CHRM5: variants seen among roughly 807,000 people sequenced by gnomAD.
CHRM5 encodes the protein cholinergic receptor muscarinic 5, also known as muscarinic acetylcholine receptor M5.
A neutral mutation model predicts 39.0 loss-of-function variants in CHRM5; 18 were observed. That is an observed-to-expected ratio of 0.46 (90% confidence interval 0.32 to 0.68). The LOEUF (loss-of-function observed/expected upper bound fraction) is 0.68. CHRM5 is among the 30% of genes least tolerant of loss of function. The pLI, the probability that CHRM5 is intolerant of heterozygous loss-of-function variation, is 0.04. For missense variants in CHRM5, 515 were observed against 651.1 expected, an observed-to-expected ratio of 0.79 and a Z score of 2.28; for synonymous variants, 241 against 246.3, an observed-to-expected ratio of 0.98 and a Z score of 0.20.
intron 1 of CHRM5, among the ~76,000 whole-genome samples, chr15:33,974,792 T>C (rs545564726): frequency 1.2e-4 from 18 of 152,210 alleles, no homozygotes; most frequent in Admixed American, 9.8e-4. Context: ...GGCCAACATG[T>C]TGAAACCCCG....
chr15:34,052,958 C>G (rs2140829741), intron 2 of CHRM5, among the ~76,000 whole-genome samples: 1 of 152,182 alleles, frequency 6.6e-6, no homozygotes, highest in African/African-American at 2.4e-5. Flanking sequence ...TCTCATGAAA[C>G]TACCATTGAT....
chr15:34,062,542 G>A (rs555205984), intron 2 of CHRM5, 101 bp from the exon 3 acceptor site: 247 of 555,518 alleles, frequency 4.4e-4, no homozygotes, highest in Admixed American at 2.1e-3. Flanking sequence ...GTGACAAAGC[G>A]AGATTCTGTC....
intron 2 of CHRM5, among the ~76,000 whole-genome samples, chr15:34,053,319 A>AAATATATATAT (rs775436850): frequency 9.5e-5 from 4 of 42,070 alleles, no homozygotes; most frequent in African/African-American, 3.2e-4. Context: ...AAAAAAAAAA[A>AAATATATATAT]ATATATATAT....
chr15:33,993,063 C>G (rs1248590814), intron 1 of CHRM5, among the ~76,000 whole-genome samples: 1 of 152,146 alleles, frequency 6.6e-6, no homozygotes, highest in Non-Finnish European at 1.5e-5. Context: ...TCTGCTCACA[C>G]TGTTAAACAT....
intron 1 of CHRM5, among the ~76,000 whole-genome samples, chr15:34,022,807 G>A (rs912081526): frequency 6.6e-6 from 1 of 152,218 alleles, no homozygotes; most frequent in African/African-American, 2.4e-5. Flanking sequence ...CTGGCTGGAA[G>A]GATGAGATTT....
chr15:34,020,785 T>C (rs1898168840), intron 1 of CHRM5, among the ~76,000 whole-genome samples: 1 of 152,184 alleles, frequency 6.6e-6, no homozygotes, highest in African/African-American at 2.4e-5. Context: ...AGATATAATC[T>C]CCACATAACT....
chr15:34,032,067 AT>A (rs1407246364), intron 1 of CHRM5, among the ~76,000 whole-genome samples: 1 of 152,134 alleles, frequency 6.6e-6, no homozygotes, highest in Non-Finnish European at 1.5e-5. Context: ...GAAAAAAAAA[AT>A]CAAAGAGAAC....
chr15:33,991,260 G>A (rs1190502799), intron 1 of CHRM5: 1 of 152,136 alleles, frequency 6.6e-6, no homozygotes, highest in Non-Finnish European at 1.5e-5. Flanking sequence ...TAAAAATACA[G>A]ACCTTCTAAC....
chr15:34,035,395 G>A (rs899318787), intron 1 of CHRM5, among the ~76,000 whole-genome samples: 1 of 152,036 alleles, frequency 6.6e-6, no homozygotes, highest in Non-Finnish European at 1.5e-5. Context: ...AAAATAATCA[G>A]GCATGTGAAA....
At position 34,063,712 on chromosome 15, in the gene CHRM5, G is replaced by A; in HGVS notation, c.995G>A (p.Ser332Asn). The A allele has an allele frequency of 1.2e-6, 2 of 1,614,214 alleles. No individual in the cohort carries two copies. Among genetic ancestry groups the A allele is most frequent in the African/African-American group, 1.3e-5 (1 of 75,048 alleles). ...QVVYKSQGKE[S>N]PGEEFSAEET... The stretch of plus-strand genomic sequence containing the variant: ...GTCTACAAGAGTCAGGGTAAGGAAA[G>A]CCCAGGGGAAGAATTCAGTGCTGAA... The change falls in exon 3 of 3, where the codon AGC becomes AAC. Residue 332 changes from serine (S) to asparagine (N), a missense_variant. Transcript: ENST00000383263. The surrounding 1 kb of genome is among the most constrained non-coding windows in gnomAD (Gnocchi z 4.1).
intron 1 of CHRM5, among the ~76,000 whole-genome samples, chr15:34,040,584 T>G (rs1190032484): frequency 6.6e-6 from 1 of 152,206 alleles, no homozygotes; most frequent in Non-Finnish European, 1.5e-5. Flanking sequence ...TAGTGTTGTC[T>G]CCATTTTACA....
chr15:34,044,612 T>TA (rs1899616618), intron 1 of CHRM5, among the ~76,000 whole-genome samples: 1 of 152,148 alleles, frequency 6.6e-6, no homozygotes, highest in African/African-American at 2.4e-5. Context: ...TACTCTGGAA[T>TA]AACAAGACAA....
At position 34,017,433 on chromosome 15, in the gene CHRM5, C is replaced by T. The variant is rs572338820; in HGVS notation, c.-407-29107C>T. On this transcript the variant is annotated intron_variant, in intron 1 of 2. Coordinates refer to ENST00000383263, the MANE Select transcript of CHRM5 (RefSeq NM_012125.4). ...CTATCCCCACATAACTACCCATTCT[C>T]GTAAGATGCCAATTAACCAAGATAA... Among the ~76,000 whole-genome samples, 11 of 150,678 alleles carry T rather than the reference C, an allele frequency of 7.3e-5. No individual in the cohort carries two copies. In the South Asian group the frequency reaches 1.7e-3, roughly 23 times the overall value.
intron 1 of CHRM5, chr15:33,972,385 CTAAATA>C (rs1376713036): frequency 6.6e-6 from 1 of 151,910 alleles, no homozygotes; most frequent in East Asian, 1.9e-4. Flanking sequence ...AAAGAGATCC[CTAAATA>C]TAGATTATAA....
chr15:34,057,303 A>ATT (rs59628367), intron 2 of CHRM5, among the ~76,000 whole-genome samples: 30,911 of 147,130 alleles, frequency 0.21, 3,468 homozygotes, highest in Middle Eastern at 0.28. Context: ...CGCCCAGCTA[A>ATT]TTTTTTTTTT....
At chr15:34,004,413 A>G (rs1022492100) in intron 1 of CHRM5, among the ~76,000 whole-genome samples, 6 of 152,190 alleles carry the variant, frequency 3.9e-5, no homozygotes, top group African/African-American at 1.4e-4. Context: ...AAACCTATAA[A>G]CCAAAAGAGC....
At position 34,066,259 on chromosome 15, in the gene CHRM5, C is replaced by A. The variant is rs1006378545; in HGVS notation, c.*1943C>A. On this transcript the variant is annotated 3_prime_UTR_variant, in exon 3 of 3. Transcript: ENST00000383263. ...AACTGGGTGTGACTTCATGAGCAAA[C>A]CTGCTCTACCAGCGCCAGATAAACA... 1.3e-5 allele frequency: 2 copies of A among 152,232 alleles called. No individual in the cohort carries two copies. The highest frequency in any genetic ancestry group is 2.9e-5 in the Non-Finnish European group (2 of 68,046). 9.4% of individuals were successfully genotyped at this position (152,232 alleles called of 1,614,324 possible).
intron 1 of CHRM5, among the ~76,000 whole-genome samples, chr15:34,017,347 C>A (rs1220010878): frequency 6.6e-6 from 1 of 152,030 alleles, no homozygotes; most frequent in African/African-American, 2.4e-5. Context: ...AGCAGATTCC[C>A]CAAAGAATGA....
intron 1 of CHRM5, chr15:34,018,599 G>C (rs1329341472): frequency 6.6e-6 from 1 of 152,234 alleles, no homozygotes; most frequent in Non-Finnish European, 1.5e-5. Flanking sequence ...AGGTAGTGCA[G>C]ACCCAAAGAG....
Sources: allele counts gnomAD v4.1 joint callset (sites outside exome capture counted in the v4.1 genomes callset), GRCh38; gene constraint gnomAD v4.1.1; non-coding constraint Gnocchi (gnomAD v3.1); transcripts MANE v1.5; gene names NCBI Gene and HGNC (gene_info 2026-07-23, HGNC 2026-07-21).